Variants in SDC2 observed in about 807,000 individuals in gnomAD.
The protein encoded by SDC2 is syndecan 2.
Under a neutral mutation model 22.2 loss-of-function variants are expected in SDC2, and 13 were observed. The observed-to-expected ratio is 0.59, with a 90% CI of 0.38 to 0.93. SDC2 has a LOEUF of 0.93. SDC2 is among the 40% of genes least tolerant of loss of function. The pLI is 0.00. For synonymous variants in SDC2, 94 were observed against 92.8 expected, an observed-to-expected ratio of 1.01 and a Z score of -0.07; for missense variants, 235 against 246.8, an observed-to-expected ratio of 0.95 and a Z score of 0.32.
chr8:96,578,220 C>T (rs1814535378), intron 1 of SDC2, among the ~76,000 whole-genome samples: 1 of 152,210 alleles, frequency 6.6e-6, no homozygotes, highest in Non-Finnish European at 1.5e-5. Context: ...TGTGTCCAGG[C>T]TTCCAACAGC....
At position 96,547,561 on chromosome 8, in the gene SDC2, G is replaced by A. The variant is rs201756209; in HGVS notation, c.61-45919G>A. Among the ~76,000 whole-genome samples, 600 of 152,220 alleles carry A rather than the reference G, an allele frequency of 3.9e-3. 4 individuals carry two copies. The highest frequency in any genetic ancestry group is 0.013 in the African/African-American group (556 of 41,532). ...ATTCAGTCTTGATGCTAGTGTGCACGCTTCCTAAGAATTACAGATGGGAAT... is the reference window on the plus strand; with the variant it reads ...ATTCAGTCTTGATGCTAGTGTGCACACTTCCTAAGAATTACAGATGGGAAT... On this transcript the variant is annotated intron_variant, in intron 1 of 4. Transcript: ENST00000302190.
intron 1 of SDC2, among the ~76,000 whole-genome samples, chr8:96,592,827 G>A (rs1012595161): frequency 6.6e-6 from 1 of 152,234 alleles, no homozygotes; most frequent in Non-Finnish European, 1.5e-5. Context: ...CTAGAAGCAG[G>A]CGTGCAGTGG....
chr8:96,566,485 G>A (rs1254772052), intron 1 of SDC2, among the ~76,000 whole-genome samples: 3 of 151,992 alleles, frequency 2.0e-5, no homozygotes, highest in East Asian at 1.9e-4. Flanking sequence ...CATAACTATC[G>A]AAATGTGGAT....
intron 1 of SDC2, among the ~76,000 whole-genome samples, chr8:96,516,990 ACT>A: frequency 6.6e-6 from 1 of 152,038 alleles, no homozygotes; most frequent in East Asian, 1.9e-4. Context: ...TGATATGGTA[ACT>A]CTGTATAACA....
At chr8:96,537,944 G>A (rs1169315163) in intron 1 of SDC2, among the ~76,000 whole-genome samples, 1 of 151,288 alleles carries the variant, frequency 6.6e-6, no homozygotes, top group African/African-American at 2.4e-5. Context: ...TAAAGCTTAT[G>A]TTTTGTTTTT....
At chr8:96,563,895 T>C (rs982675963) in intron 1 of SDC2, among the ~76,000 whole-genome samples, 1 of 152,212 alleles carries the variant, frequency 6.6e-6, no homozygotes, top group Non-Finnish European at 1.5e-5. Flanking sequence ...TCTCTGCATG[T>C]TGGGTGAGGA....
chr8:96,601,021 G>T (rs1264044985), intron 2 of SDC2, among the ~76,000 whole-genome samples: 1 of 152,162 alleles, frequency 6.6e-6, no homozygotes, highest in Non-Finnish European at 1.5e-5. Flanking sequence ...TGATGTTGAG[G>T]TAGAGGAGGA....
At chr8:96,589,233 T>G (rs1369396884) in intron 1 of SDC2, among the ~76,000 whole-genome samples, 1 of 152,192 alleles carries the variant, frequency 6.6e-6, no homozygotes, top group Non-Finnish European at 1.5e-5. Context: ...CTTAGGGGTA[T>G]AATACGAAGG....
intron 3 of SDC2, among the ~76,000 whole-genome samples, chr8:96,603,436 A>C (rs1815026201): frequency 6.6e-6 from 1 of 152,226 alleles, no homozygotes. Context: ...CAATCAGTGC[A>C]GGGGTAACAT....
At chr8:96,505,095 A>G (rs906545366) in intron 1 of SDC2, among the ~76,000 whole-genome samples, 3 of 152,194 alleles carry the variant, frequency 2.0e-5, no homozygotes, top group Admixed American at 2.0e-4. Flanking sequence ...GTGGAATGTC[A>G]TCATAAAACT....
intron 1 of SDC2, among the ~76,000 whole-genome samples, chr8:96,497,525 T>A (rs532591786): frequency 1.7e-4 from 26 of 152,266 alleles, no homozygotes; most frequent in South Asian, 4.1e-4. Context: ...TGTAATATGA[T>A]CACTTAAATG....
chr8:96,505,885 A>G (rs1274934673), intron 1 of SDC2, among the ~76,000 whole-genome samples: 1 of 152,254 alleles, frequency 6.6e-6, no homozygotes, highest in African/African-American at 2.4e-5. Context: ...CTCACCTTCA[A>G]GTAACTACTG....
At chr8:96,588,824 A>G (rs1814728846) in intron 1 of SDC2, among the ~76,000 whole-genome samples, 1 of 152,232 alleles carries the variant, frequency 6.6e-6, no homozygotes, top group South Asian at 2.1e-4. Context: ...CATGTGCAGG[A>G]CCTCTGCTTA....
intron 1 of SDC2, among the ~76,000 whole-genome samples, chr8:96,495,798 G>A (rs1399799139): frequency 6.6e-6 from 1 of 152,098 alleles, no homozygotes; most frequent in Admixed American, 6.5e-5. Context: ...TACGTTCTTT[G>A]TGGTTGGAGA....
intron 1 of SDC2, among the ~76,000 whole-genome samples, chr8:96,545,529 G>A (rs1031306948): frequency 6.6e-6 from 1 of 152,188 alleles, no homozygotes; most frequent in East Asian, 1.9e-4. Context: ...CCTTGTGGAG[G>A]TAAGAAATGG....
At chr8:96,583,052 A>C (rs1814615382) in intron 1 of SDC2, among the ~76,000 whole-genome samples, 1 of 120,296 alleles carries the variant, frequency 8.3e-6, no homozygotes, top group Non-Finnish European at 1.7e-5. Context: ...CATTTTTCTG[A>C]AGTGTGATTT....
At chr8:96,514,926 C>T (rs967762769) in intron 1 of SDC2, among the ~76,000 whole-genome samples, 4 of 152,028 alleles carry the variant, frequency 2.6e-5, no homozygotes, top group African/African-American at 9.7e-5. Context: ...TCGGGGAATC[C>T]CTGCTCTAGT....
At chr8:96,502,291 C>G (rs1345365563) in intron 1 of SDC2, among the ~76,000 whole-genome samples, 2 of 152,124 alleles carry the variant, frequency 1.3e-5, no homozygotes, top group Non-Finnish European at 2.9e-5. Flanking sequence ...GAAACCGCCC[C>G]CATGTTTCAG....
At position 96,609,506 on chromosome 8, in the gene SDC2, T is replaced by C. The variant is rs1403367995; in HGVS notation, c.564T>C (p.Ser188=). The change falls in exon 5 of 5, where the codon AGT becomes AGC. Residue 188 remains serine (S), a synonymous_variant. Coordinates refer to ENST00000302190, the MANE Select transcript of SDC2 (RefSeq NM_002998.4). ...ACCTTGGAGAACGCAAACCATCCAG[T>C]GCTGCTTATCAGAAGGCACCTACTA... ...SYDLGERKPS[S]AAYQKAPTKE... is the part of the protein sequence containing the mutation. 1 of 1,609,578 alleles carries C rather than the reference T, an allele frequency of 6.2e-7. No homozygotes were observed. The highest frequency in any genetic ancestry group is 8.5e-7 in the Non-Finnish European group (1 of 1,177,820).
Sources: gnomAD v4.1 joint callset for allele counts (sites outside exome capture counted in the v4.1 genomes callset) on GRCh38, gnomAD v4.1.1 for gene constraint, MANE v1.5 for transcripts, NCBI Gene and HGNC (gene_info 2026-07-23, HGNC 2026-07-21) for gene names.